The following FBXL7 variants were observed in gnomAD, a reference collection of about 807,000 sequenced individuals.
The protein encoded by FBXL7 is F-box and leucine rich repeat protein 7.
FBXL7 carries 12 observed loss-of-function variants against 38.3 expected under a neutral mutation model. The ratio of observed to expected loss-of-function variants is 0.31; its 90% CI spans 0.20 to 0.51. The LOEUF (loss-of-function observed/expected upper bound fraction) is 0.51. FBXL7 is among the 20% of genes least tolerant of loss of function. The pLI, the probability that FBXL7 is intolerant of heterozygous loss-of-function variation, is 0.98. For synonymous variants in FBXL7, 297 were observed against 300.9 expected (o/e 0.99, Z 0.13); for missense variants, 567 against 676.4 (o/e 0.84, Z 1.79).
At chr5:15,724,300 TACAA>T (rs1165461313) in intron 2 of FBXL7, among the ~76,000 whole-genome samples, 2 of 152,214 alleles carry the variant, frequency 1.3e-5, no homozygotes, top group East Asian at 1.9e-4. Flanking sequence ...TGGTTGCTGG[TACAA>T]ACAGTCTTTA....
chr5:15,621,644 C>T (rs570483219), intron 2 of FBXL7, among the ~76,000 whole-genome samples: 13 of 152,242 alleles, frequency 8.5e-5, no homozygotes, highest in Admixed American at 2.0e-4. Flanking sequence ...GCTCTATGGG[C>T]GGGTGGCTCA....
chr5:15,573,501 C>G (rs79587972), intron 1 of FBXL7, among the ~76,000 whole-genome samples: 1 of 152,108 alleles, frequency 6.6e-6, no homozygotes, highest in Non-Finnish European at 1.5e-5. Flanking sequence ...GAAGCTATAA[C>G]AAGTCTTTTT....
chr5:15,508,410 CA>C (rs1479883886), intron 1 of FBXL7, among the ~76,000 whole-genome samples: 4 of 152,120 alleles, frequency 2.6e-5, no homozygotes, highest in African/African-American at 9.7e-5. Context: ...GAGTGCTGAA[CA>C]AAGAATATAC....
chr5:15,653,565 G>T (rs528199448), intron 2 of FBXL7, among the ~76,000 whole-genome samples: 1 of 152,260 alleles, frequency 6.6e-6, no homozygotes, highest in South Asian at 2.1e-4. Flanking sequence ...TATCAAGGTA[G>T]CTACTAGTTA....
At chr5:15,560,040 A>G (rs1364797331) in intron 1 of FBXL7, among the ~76,000 whole-genome samples, 1 of 152,204 alleles carries the variant, frequency 6.6e-6, no homozygotes, top group Non-Finnish European at 1.5e-5. Context: ...CATTGAAGGC[A>G]TCTTACAAAT....
At chr5:15,602,026 T>C (rs1347987349) in intron 1 of FBXL7, among the ~76,000 whole-genome samples, 1 of 152,116 alleles carries the variant, frequency 6.6e-6, no homozygotes, top group East Asian at 1.9e-4. Flanking sequence ...ATGTGATGAC[T>C]AAGGCTGCAC....
At chr5:15,884,144 C>A (rs1740577211) in intron 2 of FBXL7, among the ~76,000 whole-genome samples, 1 of 152,340 alleles carries the variant, frequency 6.6e-6, no homozygotes, top group African/African-American at 2.4e-5. Context: ...AGGCAGCCAC[C>A]ATCTCCCTGC....
intron 2 of FBXL7, among the ~76,000 whole-genome samples, chr5:15,815,678 T>C (rs1226063083): frequency 6.6e-6 from 1 of 152,210 alleles, no homozygotes; most frequent in Non-Finnish European, 1.5e-5. Flanking sequence ...ATTATTTTCA[T>C]CACCTATAAA....
At chr5:15,628,381 G>A (rs983194056) in intron 2 of FBXL7, among the ~76,000 whole-genome samples, 1 of 152,176 alleles carries the variant, frequency 6.6e-6, no homozygotes, top group African/African-American at 2.4e-5. Context: ...GATGGATGGT[G>A]GAGCGAAGAT....
At chr5:15,554,704 A>G (rs1412830851) in intron 1 of FBXL7, among the ~76,000 whole-genome samples, 4 of 152,204 alleles carry the variant, frequency 2.6e-5, no homozygotes, top group Non-Finnish European at 4.4e-5. Flanking sequence ...CAGCTGATCC[A>G]TCTGCATATT....
At chr5:15,828,053 G>A (rs1221011055) in intron 2 of FBXL7, among the ~76,000 whole-genome samples, 1 of 152,142 alleles carries the variant, frequency 6.6e-6, no homozygotes, top group East Asian at 1.9e-4. Context: ...CAGGCTTTAG[G>A]CATTCAGGTG....
At position 15,669,122 on chromosome 5, in the gene FBXL7, G is replaced by A. The variant is rs1580447125; in HGVS notation, c.127+53050G>A. ...TTACTCATCTTTGTGTTCCTTCCCA[G>A]TGTTCACGCTCGAATTTGACATATT... On this transcript the variant is annotated intron_variant, in intron 2 of 3. Transcript: ENST00000504595. Among the ~76,000 whole-genome samples the A allele has an allele frequency of 3.9e-5, 6 of 152,222 alleles. No homozygotes were observed. In the South Asian group the frequency reaches 1.0e-3, roughly 26 times the overall value.
At chr5:15,697,068 G>A (rs1743361330) in intron 2 of FBXL7, among the ~76,000 whole-genome samples, 1 of 152,198 alleles carries the variant, frequency 6.6e-6, no homozygotes, top group Admixed American at 6.5e-5. Flanking sequence ...AAAAAGCAGA[G>A]TATGTAGGTA....
intron 2 of FBXL7, among the ~76,000 whole-genome samples, chr5:15,661,287 T>G (rs924838087): frequency 6.6e-6 from 1 of 152,214 alleles, no homozygotes; most frequent in South Asian, 2.1e-4. Context: ...TTATTAGTTC[T>G]AATAGGTTTT....
rs1255998363 is a variant in FBXL7, at chr5:15,500,212, C to G, written c.-465C>G. The G allele has an allele frequency of 6.6e-6, 1 of 152,024 alleles. No individual in the cohort carries two copies. Among genetic ancestry groups the G allele is most frequent in the East Asian group, 1.9e-4 (1 of 5,142 alleles). The allele number at this position is 152,024 out of a possible 1,614,324, so 9.4% of individuals were successfully genotyped here. ...CGCTAGTCTTCACTCGCTCCGGGGA[C>G]CCGCAACAAGTGGCCGCCGCGCCCT... On this transcript the variant is annotated 5_prime_UTR_variant, in exon 1 of 4. Transcript: ENST00000504595.
intron 2 of FBXL7, among the ~76,000 whole-genome samples, chr5:15,617,263 C>T (rs757055109): frequency 1.3e-5 from 2 of 152,148 alleles, no homozygotes; most frequent in East Asian, 1.9e-4. Context: ...TTCCCAACAT[C>T]GTAAGGCTGG....
intron 2 of FBXL7, among the ~76,000 whole-genome samples, chr5:15,787,907 A>G (rs974229969): frequency 6.6e-6 from 1 of 152,190 alleles, no homozygotes; most frequent in South Asian, 2.1e-4. Flanking sequence ...GTGACTTACC[A>G]TGATAGAAAT....
chr5:15,628,841 C>T (rs1740903823), intron 2 of FBXL7, among the ~76,000 whole-genome samples: 2 of 152,014 alleles, frequency 1.3e-5, no homozygotes, highest in African/African-American at 4.8e-5. Context: ...TAAGCTTCTC[C>T]CCTGTACCTC....
intron 2 of FBXL7, among the ~76,000 whole-genome samples, chr5:15,636,679 CCT>C (rs1491580596): frequency 2.3e-4 from 30 of 129,684 alleles, no homozygotes; most frequent in African/African-American, 8.7e-4. Flanking sequence ...AGGGCTAAAA[CCT>C]TTTTTTTTTT....
Sources: allele counts gnomAD v4.1 joint callset (sites outside exome capture counted in the v4.1 genomes callset), GRCh38; gene constraint gnomAD v4.1.1; transcripts MANE v1.5; gene names NCBI Gene and HGNC (gene_info 2026-07-23, HGNC 2026-07-21).